SLCO1A2: variants seen among roughly 807,000 people sequenced by gnomAD.
The protein encoded by SLCO1A2 is solute carrier organic anion transporter family member 1A2, also known as OATP-1.
Under a neutral mutation model 69.0 loss-of-function variants are expected in SLCO1A2, and 67 were observed. The ratio of observed to expected loss-of-function variants is 0.97; its 90% CI spans 0.80 to 1.19. The LOEUF is 1.19. SLCO1A2 is among the 50% of genes most tolerant of loss of function. The pLI is 0.00. For synonymous variants in SLCO1A2, 260 were observed against 265.9 expected, an observed-to-expected ratio of 0.98 and a Z score of 0.22; for missense variants, 787 against 793.7, an observed-to-expected ratio of 0.99 and a Z score of 0.10.
intron 7 of SLCO1A2, 92 bp downstream of exon 7, chr12:21,301,079 G>T: frequency 1.6e-6 from 1 of 628,950 alleles, no homozygotes; most frequent in Non-Finnish European, 2.5e-6. Context: ...TTATCAAATT[G>T]AAGGTCAAGT....
chr12:21,276,546 AAAAAAAAACC>A (rs925361365), intron 12 of SLCO1A2, among the ~76,000 whole-genome samples: 26 of 110,324 alleles, frequency 2.4e-4, no homozygotes, highest in Admixed American at 1.7e-3. Flanking sequence ...ATCTACATAC[AAAAAAAAACC>A]AAAAAAAACC....
At chr12:21,368,826 T>C (rs1250866680) in intron 2 of SLCO1A2, among the ~76,000 whole-genome samples, 3 of 152,120 alleles carry the variant, frequency 2.0e-5, no homozygotes, top group Non-Finnish European at 4.4e-5. Flanking sequence ...ATTCAAAAAA[T>C]TTATTAAACT....
chr12:21,344,597 A>C (rs1326386286), intron 2 of SLCO1A2, among the ~76,000 whole-genome samples: 2 of 152,058 alleles, frequency 1.3e-5, no homozygotes, highest in Non-Finnish European at 2.9e-5. Context: ...AGAGGCACAT[A>C]TATGTAGTCT....
intron 2 of SLCO1A2, among the ~76,000 whole-genome samples, chr12:21,319,159 C>T (rs1459336118): frequency 2.0e-5 from 3 of 152,128 alleles, no homozygotes; most frequent in Non-Finnish European, 4.4e-5. Flanking sequence ...TATTGTATAA[C>T]ATACTGGTAC....
chr12:21,334,930 G>A (rs555354954), upstream of SLCO1A2: 200 of 307,100 alleles, frequency 6.5e-4, no homozygotes, highest in Non-Finnish European at 1.0e-3. Context: ...TGACTCTTTA[G>A]TGAGATTAAA....
chr12:21,382,865 A>C (rs1039964251), intron 1 of SLCO1A2, among the ~76,000 whole-genome samples: 5 of 152,106 alleles, frequency 3.3e-5, no homozygotes, highest in African/African-American at 1.2e-4. Context: ...ATCTAAGATC[A>C]CATAGTCAGG....
intron 1 of SLCO1A2, among the ~76,000 whole-genome samples, chr12:21,401,643 G>A (rs1445667366): frequency 6.7e-6 from 1 of 149,846 alleles, no homozygotes; most frequent in East Asian, 1.9e-4. Flanking sequence ...TTTATATTTT[G>A]TTTATTTCTA....
At chr12:21,361,050 C>A (rs1938822896) in intron 2 of SLCO1A2, among the ~76,000 whole-genome samples, 1 of 152,166 alleles carries the variant, frequency 6.6e-6, no homozygotes, top group South Asian at 2.1e-4. Context: ...GTTCTCCCAG[C>A]ACGGAGTTTG....
chr12:21,297,632 C>T, intron 8 of SLCO1A2, 64 bp from the exon 9 acceptor site: 1 of 1,035,286 alleles, frequency 9.7e-7, no homozygotes, highest in Non-Finnish European at 1.4e-6. Context: ...ACTGGCTTTT[C>T]CTGAAACATC....
At chr12:21,398,222 A>G (rs1941548818), upstream of SLCO1A2, among the ~76,000 whole-genome samples, 1 of 151,232 alleles carries the variant, frequency 6.6e-6, no homozygotes, top group African/African-American at 2.4e-5. Flanking sequence ...AACACAAACT[A>G]CCATCAGAGA....
intron 1 of SLCO1A2, among the ~76,000 whole-genome samples, chr12:21,407,347 G>A (rs200648282): frequency 3.3e-5 from 5 of 152,312 alleles, no homozygotes; most frequent in African/African-American, 9.6e-5. Context: ...TATCCTCACC[G>A]AGGGGAAAGA....
chr12:21,399,987 C>T (rs1278555200), upstream of SLCO1A2, among the ~76,000 whole-genome samples: 2 of 152,010 alleles, frequency 1.3e-5, no homozygotes, highest in African/African-American at 4.8e-5. Flanking sequence ...ATGTCTAAAA[C>T]ACCAAAAGCA....
intron 11 of SLCO1A2, among the ~76,000 whole-genome samples, chr12:21,292,889 C>A (rs547231232): frequency 2.0e-5 from 3 of 152,252 alleles, no homozygotes; most frequent in Non-Finnish European, 4.4e-5. Context: ...GACACCGCGC[C>A]CAGCTAATAC....
rs1025166293 is a variant in SLCO1A2 at position 21,332,299 on chromosome 12, G to C, written c.60+2289C>G. ...TCACAGGTAGATTTTAAAATGTTCT[G>C]ATTGGCAATTGGTTGGAAGAGTTAT... On this transcript the variant is annotated intron_variant, in intron 2 of 14. Coordinates refer to ENST00000683939, the MANE Select transcript of SLCO1A2 (RefSeq NM_001386879.1). 2.0e-5 allele frequency among the ~76,000 whole-genome samples: 3 copies of C among 152,218 alleles called. No homozygotes were observed. In the East Asian group the frequency reaches 5.8e-4, roughly 29 times the overall value.
rs560511115 is a variant in SLCO1A2, at chr12:21,402,214, G to A, written c.-312+15668C>T. On this transcript the variant is annotated intron_variant, in intron 1 of 4. Transcript: ENST00000413682. ...TTTAATAGTACAGATTTATACAAAG[G>A]CAAAAAGTACCATAAATAAGTTTTT... Among the ~76,000 whole-genome samples the A allele has an allele frequency of 5.3e-5, 8 of 150,068 alleles. No individual in the cohort carries two copies. In the South Asian group the frequency reaches 1.7e-3, roughly 31 times the overall value.
upstream of SLCO1A2, chr12:21,419,029 C>T (rs553910481): frequency 6.6e-6 from 1 of 152,084 alleles, no homozygotes; most frequent in Non-Finnish European, 1.5e-5. Flanking sequence ...ATTTCTCCCA[C>T]TATGTGAGGC....
chr12:21,304,433 A>G lies in SLCO1A2; in HGVS notation c.583T>C (p.Tyr195His), dbSNP rs1471958916. Residue 195 changes from tyrosine (Y) to histidine (H), a missense_variant, in exon 6 of 15, where the codon TAT becomes CAT. By Grantham distance (83) the Tyr-to-His change is moderately conservative. Transcript: ENST00000683939. ...DFAKFENSPLYIGLVETGAII... is the reference protein window; with the variant it reads ...DFAKFENSPLHIGLVETGAII... ...GGTAGATTTCCATACTTACCAATAT[A>G]TAAAGGAGAATTTTCAAATTTGGCA... is the stretch of plus-strand genomic sequence containing the variant. The G allele has an allele frequency of 5.0e-6, 8 of 1,606,762 alleles. No individual in the cohort carries two copies. In the African/African-American group the frequency reaches 9.4e-5, roughly 19 times the overall value.
intron 1 of SLCO1A2, among the ~76,000 whole-genome samples, chr12:21,383,884 A>G (rs1183001203): frequency 1.3e-5 from 2 of 152,216 alleles, no homozygotes; most frequent in African/African-American, 4.8e-5. Context: ...ATGTGCCTAT[A>G]ACAGATGCAC....
chr12:21,388,343 G>C (rs898211077), intron 1 of SLCO1A2, among the ~76,000 whole-genome samples: 1 of 152,118 alleles, frequency 6.6e-6, no homozygotes, highest in Non-Finnish European at 1.5e-5. Context: ...ATTTTGAATT[G>C]TAGCTCCCAT....
Sources: gnomAD v4.1 joint callset for allele counts (sites outside exome capture counted in the v4.1 genomes callset) on GRCh38, gnomAD v4.1.1 for gene constraint, MANE v1.5 for transcripts, NCBI Gene and HGNC (gene_info 2026-07-23, HGNC 2026-07-21) for gene names.